PRKAG2: variants seen among roughly 807,000 people sequenced by gnomAD.
PRKAG2 encodes the protein 5'-AMP-activated protein kinase subunit gamma-2.
In PRKAG2, 26 loss-of-function variants were observed where a neutral mutation model predicts 69.6. The observed-to-expected ratio is 0.37, with a 90% CI of 0.27 to 0.52. PRKAG2 has a LOEUF of 0.52. Ranked by LOEUF, PRKAG2 falls within the 20% of genes least tolerant of loss-of-function variation. The pLI, the probability that PRKAG2 is intolerant of heterozygous loss-of-function variation, is 0.90. For missense variants in PRKAG2, 557 were observed against 740.0 expected (o/e 0.75, Z 2.87); for synonymous variants, 293 against 285.0 (o/e 1.03, Z -0.28).
chr7:151,560,471 A>G (rs1804673688), intron 15 of PRKAG2, 53 bp downstream of exon 15: 7 of 1,613,410 alleles, frequency 4.3e-6, no homozygotes, highest in Non-Finnish European at 5.9e-6. Flanking sequence ...TTCCTGTTCT[A>G]CCTCCCACCC....
In PRKAG2 at chr7:151,638,463, G is replaced by A. The variant is rs958914879; in HGVS notation, c.685-6325C>T. ...TCCTGGCCAACATGGTGAAAACCCC[G>A]TCTCTACTAAAAATACAAAAATTAG... On this transcript the variant is annotated intron_variant, in intron 4 of 15. Transcript: ENST00000287878. The surrounding 1 kb of genome is among the most constrained non-coding windows in gnomAD (Gnocchi z 4.3). 1.3e-5 allele frequency among the ~76,000 whole-genome samples: 2 copies of A among 152,058 alleles called. No homozygotes were observed. The highest frequency in any genetic ancestry group is 1.9e-4 in the East Asian group (1 of 5,184).
intron 1 of PRKAG2, among the ~76,000 whole-genome samples, chr7:151,869,735 C>T (rs998870543): frequency 3.9e-5 from 6 of 152,264 alleles, no homozygotes; most frequent in Middle Eastern, 3.2e-3. Flanking sequence ...CCGTGCCCCA[C>T]TGAGGACGAC....
intron 3 of PRKAG2, among the ~76,000 whole-genome samples, chr7:151,717,686 G>A (rs1010850961): frequency 3.3e-5 from 5 of 152,196 alleles, no homozygotes; most frequent in African/African-American, 7.2e-5. Flanking sequence ...GCCCACCCAC[G>A]TATTTGCCTA....
At chr7:151,813,511 AT>A (rs1423377122) in intron 1 of PRKAG2, among the ~76,000 whole-genome samples, 1 of 143,694 alleles carries the variant, frequency 7.0e-6, no homozygotes, top group East Asian at 2.0e-4. Flanking sequence ...AAAAAAGGAC[AT>A]GGCTTACTCA....
Position 151,685,908 on chromosome 7 carries a change from C to A in PRKAG2, c.467-10271G>T, listed in dbSNP as rs553881484. 3.9e-3 allele frequency among the ~76,000 whole-genome samples: 592 copies of A among 152,218 alleles called. 2 individuals carry two copies. The highest frequency in any genetic ancestry group is 0.013 in the African/African-American group (547 of 41,538). On this transcript the variant is annotated intron_variant, in intron 3 of 15. Coordinates refer to ENST00000287878, the MANE Select transcript of PRKAG2 (RefSeq NM_016203.4). The stretch of plus-strand genomic sequence containing the variant: ...TTAAAACAAAACAAAAAATAAGTGG[C>A]ATTTTTACTTTTTGCAAATGTCTTG...
At chr7:151,739,900 A>G (rs550591217) in intron 3 of PRKAG2, among the ~76,000 whole-genome samples, 6 of 152,252 alleles carry the variant, frequency 3.9e-5, no homozygotes, top group African/African-American at 4.8e-5. Flanking sequence ...CCTTCCCCCA[A>G]GTGAGCCCTC....
At chr7:151,595,010 C>G (rs917030416) in intron 6 of PRKAG2, among the ~76,000 whole-genome samples, 6 of 152,252 alleles carry the variant, frequency 3.9e-5, no homozygotes, top group African/African-American at 1.2e-4. Context: ...GTTGGCCAGG[C>G]TGGTCTCCAA....
At position 151,846,458 on chromosome 7, in the gene PRKAG2, G is replaced by A. The variant is rs552014715; in HGVS notation, c.114+30049C>T. ...ACTCCAGCCTGACGACAGAAACTCC[G>A]TCTCAAAAAAATTTAAAAATAAAAA... On this transcript the variant is annotated intron_variant, in intron 1 of 15. Coordinates refer to ENST00000287878, the MANE Select transcript of PRKAG2 (RefSeq NM_016203.4). 7.5e-4 allele frequency among the ~76,000 whole-genome samples: 114 copies of A among 152,026 alleles called. 2 individuals carry two copies. Among genetic ancestry groups the A allele is most frequent in the African/African-American group, 2.2e-3 (90 of 41,434 alleles).
chr7:151,610,538 G>A (rs1187122450), intron 5 of PRKAG2, among the ~76,000 whole-genome samples: 1 of 151,592 alleles, frequency 6.6e-6, no homozygotes, highest in Non-Finnish European at 1.5e-5. Flanking sequence ...TTAGCTGGGC[G>A]TGGTGGTGCG....
intron 6 of PRKAG2, among the ~76,000 whole-genome samples, chr7:151,594,468 T>C (rs985643896): frequency 6.6e-6 from 1 of 152,230 alleles, no homozygotes; most frequent in African/African-American, 2.4e-5. Context: ...ATAAGTTACA[T>C]TGATATAAAG....
chr7:151,600,178 C>T (rs942295446), intron 5 of PRKAG2, among the ~76,000 whole-genome samples: 2 of 152,150 alleles, frequency 1.3e-5, no homozygotes, highest in Non-Finnish European at 2.9e-5. Flanking sequence ...CCCGTTCTGC[C>T]GAAATCCTTC....
chr7:151,726,351 C>CGG, intron 3 of PRKAG2, among the ~76,000 whole-genome samples: 1 of 150,338 alleles, frequency 6.7e-6, no homozygotes, highest in East Asian at 2.0e-4. Flanking sequence ...CACCTGCTTA[C>CGG]AGAATCACCA....
intron 1 of PRKAG2, among the ~76,000 whole-genome samples, chr7:151,872,440 C>T (rs1271748658): frequency 6.6e-6 from 1 of 152,234 alleles, no homozygotes; most frequent in African/African-American, 2.4e-5. Context: ...CCAGAAAAGA[C>T]ACTCAGACAG....
At chr7:151,627,689 T>C (rs368766748) in intron 5 of PRKAG2, among the ~76,000 whole-genome samples, 21 of 152,172 alleles carry the variant, frequency 1.4e-4, no homozygotes, top group African/African-American at 5.1e-4. Flanking sequence ...TTCGTTGTTG[T>C]CATTTTGTTT....
chr7:151,755,785 G>A (rs939855073), intron 3 of PRKAG2, among the ~76,000 whole-genome samples: 3 of 152,164 alleles, frequency 2.0e-5, no homozygotes, highest in African/African-American at 7.2e-5. Flanking sequence ...TCCTTGCTGG[G>A]CAGAGTCATT....
At chr7:151,783,466 G>A (rs1463219444) in intron 2 of PRKAG2, among the ~76,000 whole-genome samples, 1 of 151,768 alleles carries the variant, frequency 6.6e-6, no homozygotes, top group Non-Finnish European at 1.5e-5. Flanking sequence ...TCAGCCTCCT[G>A]AGTAGCTGGG....
intron 3 of PRKAG2, among the ~76,000 whole-genome samples, chr7:151,741,413 C>G (rs1180638900): frequency 2.0e-5 from 3 of 152,154 alleles, no homozygotes; most frequent in Non-Finnish European, 4.4e-5. Context: ...CGCAGTGGCT[C>G]ACACCTATAA....
At chr7:151,615,319 A>G (rs1819846715) in intron 5 of PRKAG2, among the ~76,000 whole-genome samples, 1 of 152,196 alleles carries the variant, frequency 6.6e-6, no homozygotes, top group Admixed American at 6.5e-5. Flanking sequence ...GCTATTGTGA[A>G]TAGTGCTGCA....
chr7:151,730,723 C>T (rs1246175288), intron 3 of PRKAG2, among the ~76,000 whole-genome samples: 1 of 152,136 alleles, frequency 6.6e-6, no homozygotes, highest in Non-Finnish European at 1.5e-5. Context: ...CCCTATCCCT[C>T]TGCTGAAGTG....
Sources: gnomAD v4.1 joint callset for allele counts (sites outside exome capture counted in the v4.1 genomes callset) on GRCh38, gnomAD v4.1.1 for gene constraint, Gnocchi (gnomAD v3.1) non-coding constraint, MANE v1.5 for transcripts, NCBI Gene and HGNC (gene_info 2026-07-23, HGNC 2026-07-21) for gene names.